The following CCNL1 variants were observed in gnomAD, a reference collection of about 807,000 sequenced individuals.
CCNL1 encodes cyclin-L1.
A neutral mutation model predicts 60.6 loss-of-function variants in CCNL1; 13 were observed. That is an observed-to-expected ratio of 0.21 (90% CI 0.14 to 0.34). The LOEUF (loss-of-function observed/expected upper bound fraction) is 0.34, where lower values mean the gene tolerates loss of function less well. CCNL1 is among the 10% of genes least tolerant of loss of function. CCNL1 has a pLI of 1.00. For missense variants in CCNL1, 481 were observed against 664.3 expected (o/e 0.72, Z 3.03); for synonymous variants, 270 against 244.3 (o/e 1.10, Z -0.98).
chr3:157,159,533 G>A, intron 1 of CCNL1, 54 bp from the exon 2 acceptor site: 17 of 1,508,576 alleles, frequency 1.1e-5, no homozygotes, highest in East Asian at 2.3e-5. Flanking sequence ...CCCGCTCCAG[G>A]CGCCGCCGCC....
chr3:157,158,042 A>G (rs1411179252), intron 3 of CCNL1, among the ~76,000 whole-genome samples: 5 of 152,244 alleles, frequency 3.3e-5, no homozygotes, highest in Admixed American at 2.0e-4. Context: ...TACACCAAAT[A>G]TATCATTCTG....
chr3:157,145,332 G>A (rs111750321), downstream of CCNL1, among the ~76,000 whole-genome samples: 5,033 of 151,078 alleles, frequency 0.033, 295 homozygotes, highest in African/African-American at 0.12. Flanking sequence ...CAGCTACTCA[G>A]GAGGCTGAGG....
intron 3 of CCNL1, chr3:157,154,587 G>A (rs1300903169): frequency 1.3e-5 from 2 of 152,104 alleles, no homozygotes; most frequent in East Asian, 3.8e-4. Flanking sequence ...AACAATCTGC[G>A]ATGAACTTCA....
At chr3:157,155,495 T>G (rs889290711) in intron 3 of CCNL1, among the ~76,000 whole-genome samples, 1 of 152,212 alleles carries the variant, frequency 6.6e-6, no homozygotes, top group African/African-American at 2.4e-5. Flanking sequence ...CAATATATAC[T>G]TAACTTCTTG....
chr3:157,152,305 T>G (rs1171732345), intron 4 of CCNL1, 64 bp from the exon 5 acceptor site: 2 of 1,564,568 alleles, frequency 1.3e-6, no homozygotes, highest in African/African-American at 2.8e-5. Flanking sequence ...TAGAGTTCAA[T>G]GAAAAAAGTA....
downstream of CCNL1, among the ~76,000 whole-genome samples, chr3:157,147,363 C>G (rs1346541308): frequency 4.6e-5 from 7 of 152,198 alleles, no homozygotes; most frequent in Admixed American, 1.3e-4. Context: ...ATCAACCACT[C>G]AAGTTCAGGG....
chr3:157,143,196 T>C (rs1560191569), downstream of CCNL1, among the ~76,000 whole-genome samples: 2 of 152,178 alleles, frequency 1.3e-5, no homozygotes, highest in Non-Finnish European at 2.9e-5. Context: ...AATTAAAAAA[T>C]ATTATCAGCC....
downstream of CCNL1, among the ~76,000 whole-genome samples, chr3:157,145,757 C>A (rs2108103631): frequency 6.6e-6 from 1 of 152,270 alleles, no homozygotes; most frequent in African/African-American, 2.4e-5. Flanking sequence ...TCTGATCAAG[C>A]CTCAAGATCT....
Position 157,159,969 on chromosome 3 carries a change from G to T in CCNL1, c.126C>A (p.Ile42=). 1.9e-6 allele frequency: 3 copies of T among 1,593,922 alleles called. No individual in the cohort carries two copies. Among genetic ancestry groups the T allele is most frequent in the South Asian group, 2.3e-5 (2 of 88,078 alleles). Residue 42 remains isoleucine (I), a synonymous_variant, in exon 1 of 11, where the codon ATC becomes ATA. Transcript: ENST00000295926. ...AAACTTCCGAGTACAGGCGATCGCC[G>T]ATCAGGATCCCTCCCGTCGTGGTCG... ...TTTTTTGGIL[I]GDRLYSEVSL... is the part of the protein sequence containing the mutation.
chr3:157,150,493 T>C, intron 5 of CCNL1, 112 bp from the exon 6 acceptor site: 3 of 1,457,984 alleles, frequency 2.1e-6, no homozygotes, highest in South Asian at 2.8e-5. Context: ...TTATTTATAT[T>C]CACATCCTCA....
chr3:157,157,999 C>T lies in CCNL1; in HGVS notation c.488+867G>A, dbSNP rs1257568398. Reference sequence around the variant, plus strand: ...CAGTACAATTTGTCTAACATCACTACAATTCCTTAAAGAGTGAATGCAAAA... The same window carrying T: ...CAGTACAATTTGTCTAACATCACTATAATTCCTTAAAGAGTGAATGCAAAA... On this transcript the variant is annotated intron_variant, in intron 3 of 10. Transcript: ENST00000295926. Among the ~76,000 whole-genome samples, 4 of 152,202 alleles carry T rather than the reference C, an allele frequency of 2.6e-5. No homozygotes were observed. The East Asian group carries it at 5.8e-4, about 22-fold the overall frequency.
intron 5 of CCNL1, chr3:157,150,862 G>C: frequency 1.0e-6 from 1 of 985,492 alleles, no homozygotes; most frequent in South Asian, 4.7e-5. Context: ...TAAGTACCAA[G>C]TTAAACTTAT....
chr3:157,151,433 T>C (rs1025312342), intron 5 of CCNL1: 2 of 985,704 alleles, frequency 2.0e-6, no homozygotes, highest in African/African-American at 1.7e-5. Flanking sequence ...TAAGCAATAT[T>C]ATAGTAACAT....
Position 157,153,124 on chromosome 3 carries a change from T to G in CCNL1, c.521A>C (p.Tyr174Ser). 6.2e-7 allele frequency: 1 copy of G among 1,613,522 alleles called. No individual in the cohort carries two copies. Reference sequence around the variant, plus strand: ...GATAACTTGATTTTTGGTGTTAATGTAGTTCTGATCAAGGATCAGGGGGCT... The same window carrying G: ...GATAACTTGATTTTTGGTGTTAATGGAGTTCTGATCAAGGATCAGGGGGCT... ...TPSPLILDQNYINTKNQVIKA... is the reference protein window; with the variant it reads ...TPSPLILDQNSINTKNQVIKA... Residue 174 changes from tyrosine to serine, a missense_variant, in exon 4 of 11, where the codon TAC becomes TCC. By Grantham distance (144) the Tyr-to-Ser change is moderately radical (BLOSUM62 -2). Around this residue, in one of 5 missense-constraint regions of CCNL1, gnomAD observed 130 missense variants for 174.5 expected, o/e 0.75. Transcript: ENST00000295926.
At chr3:157,152,656 G>A in intron 4 of CCNL1, 1 of 1,074,450 alleles carries the variant, frequency 9.3e-7, no homozygotes, top group South Asian at 2.9e-5. Context: ...GTAACAGTGA[G>A]CAGCCAACAC....
At position 157,152,401 on chromosome 3, in the gene CCNL1, A is replaced by G. The variant is rs988356777; in HGVS notation, c.610-160T>C. On this transcript the variant is annotated intron_variant, in intron 4 of 10. Transcript: ENST00000295926. ...ACATAAGATTCTAATGTGAACTGCT[A>G]CATGACTAGATTTTATATAAATTAT... is the stretch of plus-strand genomic sequence containing the variant. The G allele has an allele frequency of 6.8e-6, 9 of 1,325,928 alleles. No homozygotes were observed. The Admixed American group carries it at 1.5e-4, about 22-fold the overall frequency. 82.1% of individuals were successfully genotyped at this position (1,325,928 alleles called of 1,614,324 possible). A position where few individuals can be genotyped will look rare whatever the true frequency, so the allele number is the denominator to read the frequency against.
intron 4 of CCNL1, 118 bp downstream of exon 4, chr3:157,152,918 A>T (rs1347264766): frequency 1.3e-6 from 2 of 1,519,176 alleles, no homozygotes; most frequent in African/African-American, 1.4e-5. Flanking sequence ...TGAACCTTTA[A>T]AAGAATGCTT....
rs1484234036 is a variant in CCNL1 at position 157,159,316 on chromosome 3, C to A, written c.378+89G>T. ...ACAAAGGCCTAAACTAAACCACTCC[C>A]TTTCTGGAAAAGCTGGCTGCTGACA... is the stretch of plus-strand genomic sequence containing the variant. On this transcript the variant is annotated intron_variant, in intron 2 of 10. Transcript: ENST00000295926. The A allele has an allele frequency of 4.1e-5, 51 of 1,254,336 alleles. No individual in the cohort carries two copies. The East Asian group carries it at 1.1e-3, about 28-fold the overall frequency. The allele number at this position is 1,254,336 out of a possible 1,614,324, so 77.7% of individuals were successfully genotyped here.
Position 157,159,282 on chromosome 3 carries a change from G to A in CCNL1, c.378+123C>T. Reference sequence around the variant, plus strand: ...AAGGTTTCCACTTCCTGGCGAGTGAGAAGTAGGTACAAAGGCCTAAACTAA... The same window carrying A: ...AAGGTTTCCACTTCCTGGCGAGTGAAAAGTAGGTACAAAGGCCTAAACTAA... On this transcript the variant is annotated intron_variant, in intron 2 of 10. Coordinates refer to ENST00000295926, the MANE Select transcript of CCNL1 (RefSeq NM_020307.4). 2 of 826,858 alleles carry A rather than the reference G, an allele frequency of 2.4e-6. 1 individual carries two copies. The highest frequency in any genetic ancestry group is 5.3e-5 in the East Asian group (2 of 37,890). The allele number at this position is 826,858 out of a possible 1,614,324, so 51.2% of individuals were successfully genotyped here. A position where few individuals can be genotyped will look rare whatever the true frequency, so the allele number is the denominator to read the frequency against.
Sources: allele counts gnomAD v4.1 joint callset (sites outside exome capture counted in the v4.1 genomes callset), GRCh38; gene constraint gnomAD v4.1.1; regional missense constraint gnomAD v4.1.1; transcripts MANE v1.5; gene names NCBI Gene and HGNC (gene_info 2026-07-23, HGNC 2026-07-21).